The following ZMYM2 variants were observed in gnomAD, a reference collection of about 807,000 sequenced individuals.
ZMYM2 encodes the protein zinc finger MYM-type protein 2.
In ZMYM2, 56 loss-of-function variants were observed where a neutral mutation model predicts 162.8. The ratio of observed to expected loss-of-function variants is 0.34; its 90% confidence interval spans 0.28 to 0.43. The LOEUF (loss-of-function observed/expected upper bound fraction) is 0.43, where lower values mean the gene tolerates loss of function less well. Among genes scored for constraint, ZMYM2 ranks in the 20% least tolerant of loss-of-function variants. The pLI is 1.00. For missense variants in ZMYM2, 1,275 were observed against 1,621.8 expected (o/e 0.79, Z 3.67); for synonymous variants, 510 against 541.6 (o/e 0.94, Z 0.81).
chr13:20,050,960 A>G (rs1291768289), intron 12 of ZMYM2, among the ~76,000 whole-genome samples: 2 of 152,066 alleles, frequency 1.3e-5, no homozygotes, highest in African/African-American at 2.4e-5. Flanking sequence ...TAAACTGTTG[A>G]AAAACTCAAA....
At chr13:20,065,551 T>TA (rs1280116708) in intron 19 of ZMYM2, among the ~76,000 whole-genome samples, 7 of 152,100 alleles carry the variant, frequency 4.6e-5, no homozygotes, top group Admixed American at 2.6e-4. Flanking sequence ...TCCCAGCACT[T>TA]ACAGCACTCA....
intron 2 of ZMYM2, among the ~76,000 whole-genome samples, chr13:19,987,176 A>C (rs533117372): frequency 7.9e-5 from 12 of 151,814 alleles, no homozygotes; most frequent in Non-Finnish European, 1.8e-4. Flanking sequence ...AAACCACAGC[A>C]AGAAAATGGT....
At chr13:20,001,313 T>C in intron 3 of ZMYM2, among the ~76,000 whole-genome samples, 1 of 149,968 alleles carries the variant, frequency 6.7e-6, no homozygotes, top group Non-Finnish European at 1.5e-5. Flanking sequence ...AATTGCTTGA[T>C]CCCAGGAGGT....
chr13:19,973,670 CA>C (rs529880853), intron 2 of ZMYM2, among the ~76,000 whole-genome samples: 6,217 of 58,892 alleles, frequency 0.11, 160 homozygotes, highest in Non-Finnish European at 0.14. Flanking sequence ...AACTCCATCT[CA>C]AAAAAAAAAA....
rs137867978 is a variant in ZMYM2, at chr13:20,069,288, C to T, written c.3453+1898C>T. Among the ~76,000 whole-genome samples, 172 of 152,198 alleles carry T rather than the reference C, an allele frequency of 1.1e-3. 1 individual carries two copies. In the Middle Eastern group the frequency reaches 0.017, roughly 15 times the overall value. ...GCTTGAAACCTTCCCCCATTTTTCT[C>T]TCCTGCCACCCAAACCCTAGTCCTA... is the stretch of plus-strand genomic sequence containing the variant. On this transcript the variant is annotated intron_variant, in intron 21 of 24. Transcript: ENST00000610343.
intron 6 of ZMYM2, among the ~76,000 whole-genome samples, chr13:20,014,762 G>GA (rs373247397): frequency 8.6e-5 from 8 of 92,820 alleles, no homozygotes; most frequent in African/African-American, 3.5e-4. Context: ...TTTACTTTAG[G>GA]TTTTTTTTTT....
chr13:20,043,192 T>TC (rs1360440814), intron 12 of ZMYM2, among the ~76,000 whole-genome samples: 2 of 152,166 alleles, frequency 1.3e-5, no homozygotes, highest in African/African-American at 4.8e-5. Flanking sequence ...AGTCTCAACT[T>TC]GATTCTGTCT....
At chr13:19,953,928 A>G (rs1248914183), upstream of ZMYM2, among the ~76,000 whole-genome samples, 1 of 151,648 alleles carries the variant, frequency 6.6e-6, no homozygotes, top group Non-Finnish European at 1.5e-5. Flanking sequence ...TAAATATACT[A>G]GAATGGATAA....
chr13:19,944,174 G>T, the ZMYM2 span, among the ~76,000 whole-genome samples: 1 of 152,072 alleles, frequency 6.6e-6, no homozygotes, highest in African/African-American at 2.4e-5. Context: ...AAGAACAATT[G>T]CCACAGAGAC....
intron 2 of ZMYM2, among the ~76,000 whole-genome samples, chr13:19,989,413 C>T (rs577540095): frequency 6.7e-4 from 102 of 152,258 alleles, no homozygotes; most frequent in South Asian, 1.9e-3. Context: ...AAGCGATTTT[C>T]GTGCCTCAGC....
chr13:20,086,050 C>T lies in ZMYM2; in HGVS notation c.*36C>T. 1 of 1,585,002 alleles carries T rather than the reference C, an allele frequency of 6.3e-7. No individual in the cohort carries two copies. The highest frequency in any genetic ancestry group is 1.1e-5 in the South Asian group (1 of 88,934). Reference sequence around the variant, plus strand: ...TGCAGAAGCAATCGGGATAAAACAGCATTAGATAGTCATGCTGCTAGATCT... The same window carrying T: ...TGCAGAAGCAATCGGGATAAAACAGTATTAGATAGTCATGCTGCTAGATCT... On this transcript the variant is annotated 3_prime_UTR_variant, in exon 25 of 25. Transcript: ENST00000610343.
chr13:19,938,532 C>G, the ZMYM2 span, among the ~76,000 whole-genome samples: 1 of 151,780 alleles, frequency 6.6e-6, no homozygotes, highest in East Asian at 1.9e-4. Flanking sequence ...TTTGGATTCA[C>G]TTTGAAAAGT....
chr13:20,006,268 C>A, intron 5 of ZMYM2, 106 bp from the exon 6 acceptor site: 3 of 1,198,952 alleles, frequency 2.5e-6, no homozygotes, highest in Non-Finnish European at 3.4e-6. Flanking sequence ...TCCTTTTCTC[C>A]AAACAAGCCT....
chr13:19,946,286 C>G, the ZMYM2 span, among the ~76,000 whole-genome samples: 24 of 152,332 alleles, frequency 1.6e-4, no homozygotes, highest in Non-Finnish European at 1.8e-4. Flanking sequence ...CAGTAACATC[C>G]TGTCTCCTTA....
chr13:20,012,517 T>C (rs972308549), intron 6 of ZMYM2, among the ~76,000 whole-genome samples: 1 of 152,212 alleles, frequency 6.6e-6, no homozygotes, highest in Non-Finnish European at 1.5e-5. Context: ...TGTTTTCTTT[T>C]GGTCGTGCTT....
the ZMYM2 span, among the ~76,000 whole-genome samples, chr13:19,917,049 G>T: frequency 3.9e-5 from 6 of 152,212 alleles, 1 homozygote; most frequent in Admixed American, 2.6e-4. Context: ...TGCAAACTCT[G>T]CCTCCCGGGT....
At chr13:19,882,377 A>C in the ZMYM2 span, among the ~76,000 whole-genome samples, 1 of 152,208 alleles carries the variant, frequency 6.6e-6, no homozygotes, top group Non-Finnish European at 1.5e-5. Flanking sequence ...TTGAATAGAC[A>C]TGTCTCCAAA....
At chr13:19,870,702 C>A in the ZMYM2 span, among the ~76,000 whole-genome samples, 1 of 151,882 alleles carries the variant, frequency 6.6e-6, no homozygotes, top group Admixed American at 6.6e-5. Context: ...TCTCGGCTCA[C>A]TGCAGCCTCT....
intron 6 of ZMYM2, among the ~76,000 whole-genome samples, chr13:20,011,213 C>T (rs190276105): frequency 5.9e-5 from 9 of 152,254 alleles, no homozygotes; most frequent in African/African-American, 2.2e-4. Flanking sequence ...TCCCTTCGTA[C>T]TTTTGTTCCG....
Sources: gnomAD v4.1 joint callset for allele counts (sites outside exome capture counted in the v4.1 genomes callset) on GRCh38, gnomAD v4.1.1 for gene constraint, MANE v1.5 for transcripts, NCBI Gene and HGNC (gene_info 2026-07-23, HGNC 2026-07-21) for gene names.